TAF2: variants seen among roughly 807,000 people sequenced by gnomAD.
The protein encoded by TAF2 is transcription initiation factor TFIID subunit 2.
Under a neutral mutation model 138.5 loss-of-function variants are expected in TAF2, and 61 were observed. That is an observed-to-expected ratio of 0.44 (90% CI 0.36 to 0.54). The LOEUF (loss-of-function observed/expected upper bound fraction) is 0.54. TAF2 is among the 20% of genes least tolerant of loss of function. The probability of loss-of-function intolerance (pLI) is 0.00; values close to 1 mark genes in which losing one functional copy is unlikely to be tolerated. For synonymous variants in TAF2, 475 were observed against 469.9 expected, an observed-to-expected ratio of 1.01 and a Z score of -0.14; for missense variants, 1,090 against 1,427.9, an observed-to-expected ratio of 0.76 and a Z score of 3.81.
At chr8:119,762,299 C>T (rs1343298884) in intron 19 of TAF2, 116 bp downstream of exon 19, 1 of 996,196 alleles carries the variant, frequency 1.0e-6, no homozygotes, top group Non-Finnish European at 1.5e-6. Flanking sequence ...TAGAATCATA[C>T]AGAATTTTAG....
chr8:119,780,122 C>A (rs540701251), intron 17 of TAF2, among the ~76,000 whole-genome samples: 1 of 147,736 alleles, frequency 6.8e-6, no homozygotes, highest in Admixed American at 6.9e-5. Context: ...CTTTCTAGTT[C>A]AATCTAGTTA....
intron 25 of TAF2, among the ~76,000 whole-genome samples, chr8:119,733,789 C>G (rs574101463): frequency 6.6e-6 from 1 of 151,864 alleles, no homozygotes; most frequent in African/African-American, 2.4e-5. Context: ...CGCCCCCCCC[C>G]ATCCTAATCC....
intron 24 of TAF2, among the ~76,000 whole-genome samples, chr8:119,743,409 G>C (rs1819737782): frequency 6.6e-6 from 1 of 151,970 alleles, no homozygotes; most frequent in South Asian, 2.1e-4. Flanking sequence ...GTTACTTGTA[G>C]TGGAAAGGCA....
chr8:119,744,696 A>C (rs1272375247), intron 23 of TAF2: 1 of 421,490 alleles, frequency 2.4e-6, no homozygotes, highest in African/African-American at 2.0e-5. Flanking sequence ...CCCCAAACAG[A>C]GAAGAATTAT....
chr8:119,805,266 G>A (rs1586490530), intron 4 of TAF2, among the ~76,000 whole-genome samples: 2 of 152,252 alleles, frequency 1.3e-5, no homozygotes, highest in East Asian at 1.9e-4. Flanking sequence ...AGTTCAGCAG[G>A]TCACTCACTC....
intron 2 of TAF2, among the ~76,000 whole-genome samples, chr8:119,831,429 A>T (rs1030854656): frequency 6.6e-6 from 1 of 152,174 alleles, no homozygotes; most frequent in Non-Finnish European, 1.5e-5. Context: ...CATATTATAC[A>T]CCAGATAAAG....
chr8:119,827,057 G>T (rs1826148010), intron 2 of TAF2, among the ~76,000 whole-genome samples: 1 of 152,174 alleles, frequency 6.6e-6, no homozygotes, highest in African/African-American at 2.4e-5. Flanking sequence ...AGCCAGGCTG[G>T]TGGTACGTGC....
rs563319996 is a variant in TAF2, at chr8:119,784,290, C to A, written c.1860-657G>T. ...CTGATCTCAGCCAGGTGCAATGGCT[C>A]ATGTCTGTAACCCCAGCACTTTCGG... On this transcript the variant is annotated intron_variant, in intron 15 of 25. Coordinates refer to ENST00000378164, the MANE Select transcript of TAF2 (RefSeq NM_003184.4). Among the ~76,000 whole-genome samples the A allele has an allele frequency of 4.6e-5, 7 of 152,312 alleles. No individual in the cohort carries two copies. The South Asian group carries it at 1.5e-3, about 32-fold the overall frequency.
At chr8:119,792,786 C>T (rs1823532653) in intron 10 of TAF2, among the ~76,000 whole-genome samples, 1 of 152,142 alleles carries the variant, frequency 6.6e-6, no homozygotes, top group African/African-American at 2.4e-5. Flanking sequence ...TCCCTTCCAC[C>T]TTGTGAGGAC....
At chr8:119,808,940 C>T (rs1200066566) in intron 3 of TAF2, among the ~76,000 whole-genome samples, 7 of 152,164 alleles carry the variant, frequency 4.6e-5, no homozygotes, top group Non-Finnish European at 1.0e-4. Flanking sequence ...TTGTTAAGGG[C>T]CATAGGATTT....
chr8:119,815,475 C>T (rs1337214735), intron 3 of TAF2, among the ~76,000 whole-genome samples: 3 of 151,710 alleles, frequency 2.0e-5, no homozygotes, highest in Non-Finnish European at 4.4e-5. Flanking sequence ...GGGATTTCAC[C>T]GTGTTAGCCA....
At chr8:119,732,302 T>TCCCATTCCTGATAGA in intron 25 of TAF2, 116 bp from the exon 26 acceptor site, 1 of 915,980 alleles carries the variant, frequency 1.1e-6, no homozygotes, top group Non-Finnish European at 1.8e-6. Context: ...TTATCACTTC[T>TCCCATTCCTGATAGA]ATCAGGAATG....
chr8:119,816,050 C>CTTTTTT (rs770573593), intron 3 of TAF2, among the ~76,000 whole-genome samples: 2 of 133,900 alleles, frequency 1.5e-5, no homozygotes, highest in African/African-American at 2.7e-5. Flanking sequence ...CACACTCTTT[C>CTTTTTT]TTTTTTTTTT....
chr8:119,811,882 A>G (rs1421430330), intron 3 of TAF2, among the ~76,000 whole-genome samples: 1 of 152,054 alleles, frequency 6.6e-6, no homozygotes, highest in Non-Finnish European at 1.5e-5. Flanking sequence ...TGAGTGAAAA[A>G]TCTACCTTAA....
At chr8:119,789,827 TTATTG>T in intron 11 of TAF2, 81 bp from the exon 12 acceptor site, 1 of 1,350,234 alleles carries the variant, frequency 7.4e-7, no homozygotes, top group South Asian at 1.2e-5. Context: ...CATTATAACT[TTATTG>T]TAGTCAATTA....
intron 18 of TAF2, among the ~76,000 whole-genome samples, chr8:119,765,329 C>T (rs1300713955): frequency 6.6e-6 from 1 of 152,094 alleles, no homozygotes; most frequent in Non-Finnish European, 1.5e-5. Context: ...GAAAAGTAAT[C>T]AAATTGTTCC....
rs534159340 is a variant in TAF2, at chr8:119,780,172, A to C, written c.2253+881T>G. 1.6e-4 allele frequency among the ~76,000 whole-genome samples: 24 copies of C among 152,220 alleles called. No individual in the cohort carries two copies. In the South Asian group the frequency reaches 2.7e-3, roughly 17 times the overall value. ...TTCATTATGAAATTACTAAAAAAAA[A>C]CCTCTATGTATGATATCCAAATAGC... On this transcript the variant is annotated intron_variant, in intron 17 of 25. Coordinates refer to ENST00000378164, the MANE Select transcript of TAF2 (RefSeq NM_003184.4).
intron 3 of TAF2, among the ~76,000 whole-genome samples, chr8:119,813,554 G>A (rs1214165092): frequency 1.3e-5 from 2 of 152,146 alleles, no homozygotes; most frequent in Admixed American, 1.3e-4. Context: ...CTAGAGTTCC[G>A]GGATTACCAC....
chr8:119,744,212 T>G (rs568950209), intron 24 of TAF2, 76 bp downstream of exon 24: 3 of 1,285,498 alleles, frequency 2.3e-6, no homozygotes, highest in Non-Finnish European at 3.4e-6. Flanking sequence ...CATTTGAAAA[T>G]AAAGTAACAC....
Sources: gnomAD v4.1 joint callset for allele counts (sites outside exome capture counted in the v4.1 genomes callset) on GRCh38, gnomAD v4.1.1 for gene constraint, MANE v1.5 for transcripts, NCBI Gene and HGNC (gene_info 2026-07-23, HGNC 2026-07-21) for gene names.